Variants in PCSK2 observed in about 807,000 individuals in gnomAD.
PCSK2 encodes proprotein convertase subtilisin/kexin type 2.
A neutral mutation model predicts 69.7 loss-of-function variants in PCSK2; 14 were observed. The observed-to-expected ratio is 0.20, with a 90% CI of 0.13 to 0.31. The LOEUF (loss-of-function observed/expected upper bound fraction) is 0.31, where lower values mean the gene tolerates loss of function less well. Ranked by LOEUF, PCSK2 falls within the 10% of genes least tolerant of loss-of-function variation. The pLI is 1.00. For synonymous variants in PCSK2, 307 were observed against 320.7 expected (o/e 0.96, Z 0.46); for missense variants, 544 against 842.5 (o/e 0.65, Z 4.39).
chr20:17,456,463 CTGGG>C lies in PCSK2; in HGVS notation c.1202+17_1202+20del. 1 of 1,448,640 alleles carries C rather than the reference CTGGG, an allele frequency of 6.9e-7. No individual in the cohort carries two copies. Among genetic ancestry groups the C allele is most frequent in the Non-Finnish European group, 9.7e-7 (1 of 1,029,810 alleles). 89.7% of individuals were successfully genotyped at this position (1,448,640 alleles called of 1,614,324 possible). A position where few individuals can be genotyped will look rare whatever the true frequency, so the allele number is the denominator to read the frequency against. ...CTGGAGGCTAAGTATGTTCATAGCTCTGGGTCCAGGGCCAGCTCTGCAGGGTGGA... is the reference window on the plus strand; with the variant it reads ...CTGGAGGCTAAGTATGTTCATAGCTCTCCAGGGCCAGCTCTGCAGGGTGGA... On this transcript the variant is annotated intron_variant, in intron 10 of 11. Coordinates refer to ENST00000262545, the MANE Select transcript of PCSK2 (RefSeq NM_002594.5).
intron 2 of PCSK2, among the ~76,000 whole-genome samples, chr20:17,335,198 G>T (rs1330778676): frequency 1.3e-5 from 2 of 151,858 alleles, no homozygotes. Flanking sequence ...GAGATTGGGG[G>T]GGTTGTCTGA....
At chr20:17,326,324 A>C (rs938194752) in intron 2 of PCSK2, among the ~76,000 whole-genome samples, 7 of 152,252 alleles carry the variant, frequency 4.6e-5, no homozygotes, top group African/African-American at 1.7e-4. Flanking sequence ...AAAACTGTCA[A>C]AGTCATCAAA....
chr20:17,242,418 G>A (rs1986615002), intron 1 of PCSK2, among the ~76,000 whole-genome samples: 1 of 152,202 alleles, frequency 6.6e-6, no homozygotes, highest in African/African-American at 2.4e-5. Flanking sequence ...GAGGCACATT[G>A]AAAGGGGTTG....
Position 17,456,293 on chromosome 20 carries a change from G to A in PCSK2, c.1102-55G>A, listed in dbSNP as rs148674298. 4,564 of 895,070 alleles carry A rather than the reference G, an allele frequency of 5.1e-3. 28 individuals are homozygous for A. Among genetic ancestry groups the A allele is most frequent in the South Asian group, 8.2e-3 (607 of 74,200 alleles). 55.4% of individuals were successfully genotyped at this position (895,070 alleles called of 1,614,324 possible). The stretch of plus-strand genomic sequence containing the variant: ...GATAATCCCCTGCTCCACATTGTGC[G>A]GGGGTTCAAAATAGCGTGATTTATC... On this transcript the variant is annotated intron_variant, in intron 9 of 11. Coordinates refer to ENST00000262545, the MANE Select transcript of PCSK2 (RefSeq NM_002594.5).
At chr20:17,228,503 G>A (rs925068332) in intron 1 of PCSK2, among the ~76,000 whole-genome samples, 1 of 152,088 alleles carries the variant, frequency 6.6e-6, no homozygotes, top group African/African-American at 2.4e-5. Flanking sequence ...AGAGAAGGTG[G>A]GGCGAGGGGA....
At chr20:17,410,079 C>A (rs1052777352) in intron 6 of PCSK2, among the ~76,000 whole-genome samples, 1 of 152,074 alleles carries the variant, frequency 6.6e-6, no homozygotes, top group East Asian at 1.9e-4. Flanking sequence ...AACATATGAA[C>A]TTCAATTAGT....
chr20:17,462,158 C>A (rs1448979730), intron 10 of PCSK2, among the ~76,000 whole-genome samples: 1 of 152,072 alleles, frequency 6.6e-6, no homozygotes, highest in Non-Finnish European at 1.5e-5. Context: ...GCCCCCACCC[C>A]CACCAGTGCC....
chr20:17,298,612 T>C (rs1021881423), intron 2 of PCSK2, among the ~76,000 whole-genome samples: 1 of 152,226 alleles, frequency 6.6e-6, no homozygotes, highest in Non-Finnish European at 1.5e-5. Context: ...ATTTAAATTA[T>C]TTTTACCACC....
chr20:17,295,483 A>G (rs1018983213), intron 2 of PCSK2, among the ~76,000 whole-genome samples: 10 of 148,426 alleles, frequency 6.7e-5, no homozygotes, highest in Non-Finnish European at 1.2e-4. Context: ...ATTTTTATTT[A>G]CTTATTTATT....
intron 2 of PCSK2, among the ~76,000 whole-genome samples, chr20:17,355,484 A>G (rs933339965): frequency 3.3e-5 from 5 of 152,216 alleles, no homozygotes; most frequent in African/African-American, 1.2e-4. Flanking sequence ...GGCAATGGCC[A>G]AAGTGAGACA....
upstream of PCSK2, chr20:17,226,525 GAGAGAGAA>G (rs1347919065): frequency 3.4e-5 from 4 of 118,056 alleles, no homozygotes; most frequent in East Asian, 2.6e-4. Flanking sequence ...GTGTTTGAGA[GAGAGAGAA>G]AGAGAGAGAG....
intron 2 of PCSK2, among the ~76,000 whole-genome samples, chr20:17,314,547 A>G (rs1378016646): frequency 1.3e-5 from 2 of 152,162 alleles, no homozygotes; most frequent in Non-Finnish European, 2.9e-5. Flanking sequence ...TTTGGGAGGG[A>G]CAAGTCTGTG....
At chr20:17,365,744 A>C (rs1456767575) in intron 4 of PCSK2, among the ~76,000 whole-genome samples, 1 of 152,254 alleles carries the variant, frequency 6.6e-6, no homozygotes, top group Non-Finnish European at 1.5e-5. Flanking sequence ...GAAAGAAGAA[A>C]GGAGTAACAG....
At chr20:17,452,605 T>C (rs1324545401) in intron 8 of PCSK2, among the ~76,000 whole-genome samples, 1 of 152,172 alleles carries the variant, frequency 6.6e-6, no homozygotes, top group Non-Finnish European at 1.5e-5. Flanking sequence ...TCCCTGACAA[T>C]CTCTTCTGTC....
intron 2 of PCSK2, among the ~76,000 whole-genome samples, chr20:17,332,956 A>C (rs751862084): frequency 2.0e-5 from 3 of 152,196 alleles, no homozygotes; most frequent in Non-Finnish European, 1.5e-5. Context: ...AAGTCACCCT[A>C]AATTGGATCC....
intron 2 of PCSK2, among the ~76,000 whole-genome samples, chr20:17,272,749 C>T (rs913768319): frequency 6.6e-6 from 1 of 152,060 alleles, no homozygotes; most frequent in African/African-American, 2.4e-5. Flanking sequence ...AATTCTAAAG[C>T]ACCCAAAGTT....
intron 10 of PCSK2, 125 bp from the exon 11 acceptor site, chr20:17,465,201 A>C: frequency 1.3e-6 from 1 of 747,786 alleles, no homozygotes; most frequent in Non-Finnish European, 2.4e-6. Context: ...GAGAGTTCAC[A>C]GAGATTCCAA....
At chr20:17,480,625 G>T (rs78042086) in intron 11 of PCSK2, among the ~76,000 whole-genome samples, 3,305 of 152,342 alleles carry the variant, frequency 0.022, 100 homozygotes, top group East Asian at 0.12. Context: ...CCTGAGACAA[G>T]ACTTGGGTGC....
chr20:17,255,345 T>A (rs1987135045), intron 1 of PCSK2, among the ~76,000 whole-genome samples: 1 of 133,018 alleles, frequency 7.5e-6, no homozygotes, highest in Non-Finnish European at 1.5e-5. Context: ...TCATTCCTAA[T>A]TTTTTTTTTT....
Sources: allele counts gnomAD v4.1 joint callset (sites outside exome capture counted in the v4.1 genomes callset), GRCh38; gene constraint gnomAD v4.1.1; transcripts MANE v1.5; gene names NCBI Gene and HGNC (gene_info 2026-07-23, HGNC 2026-07-21).